The following CDH11 variants were observed in gnomAD, a reference collection of about 807,000 sequenced individuals.
CDH11 encodes the protein cadherin-11.
A neutral mutation model predicts 67.8 loss-of-function variants in CDH11; 11 were observed. That is an observed-to-expected ratio of 0.16 (90% CI 0.10 to 0.27). The LOEUF is 0.27. CDH11 is among the 10% of genes least tolerant of loss of function. The pLI, the probability that CDH11 is intolerant of heterozygous loss-of-function variation, is 1.00. For synonymous variants in CDH11, 419 were observed against 400.0 expected (o/e 1.05, Z -0.57); for missense variants, 847 against 1,031.2 (o/e 0.82, Z 2.45).
rs1317346877 is a variant in CDH11 at position 64,957,629 on chromosome 16, CA to C, written c.1643-6612del. 6.3e-4 allele frequency among the ~76,000 whole-genome samples: 90 copies of C among 143,934 alleles called. 1 individual carries two copies. Among genetic ancestry groups the C allele is most frequent in the Non-Finnish European group, 8.4e-4 (55 of 65,504 alleles). 94.4% of individuals were successfully genotyped at this position (143,934 alleles called of 152,430 possible). ...ACACACACACACACACACACACACA[CA>C]CACCCATCCATATATATATATATAC... On this transcript the variant is annotated intron_variant, in intron 11 of 12. Coordinates refer to ENST00000268603, the MANE Select transcript of CDH11 (RefSeq NM_001797.4).
At chr16:65,010,166 A>G (rs1228284771) in intron 2 of CDH11, among the ~76,000 whole-genome samples, 2 of 152,132 alleles carry the variant, frequency 1.3e-5, no homozygotes, top group African/African-American at 4.8e-5. Context: ...GAGACAGGTT[A>G]TTATTACATT....
intron 2 of CDH11, among the ~76,000 whole-genome samples, chr16:65,010,951 A>G (rs891160684): frequency 4.0e-5 from 4 of 100,740 alleles, no homozygotes; most frequent in African/African-American, 1.1e-4. Context: ...TATATGTGTG[A>G]CATATATATA....
chr16:65,059,707 G>T (rs1008508637), intron 1 of CDH11: 1 of 152,336 alleles, frequency 6.6e-6, no homozygotes, highest in Non-Finnish European at 1.5e-5. Context: ...CTTGACAACT[G>T]AAGCCAGGGA....
intron 2 of CDH11, among the ~76,000 whole-genome samples, chr16:65,042,653 C>G (rs560879065): frequency 1.3e-5 from 2 of 152,148 alleles, no homozygotes; most frequent in East Asian, 1.9e-4. Flanking sequence ...AAATAAGGAC[C>G]GTAGAGAATT....
At chr16:65,067,108 A>G (rs2074325122) in intron 1 of CDH11, among the ~76,000 whole-genome samples, 1 of 152,120 alleles carries the variant, frequency 6.6e-6, no homozygotes, top group South Asian at 2.1e-4. Context: ...AATCCACAGA[A>G]GCTCTACTTT....
intron 1 of CDH11, among the ~76,000 whole-genome samples, chr16:65,120,025 G>A (rs573470404): frequency 8.5e-5 from 13 of 152,244 alleles, no homozygotes; most frequent in African/African-American, 2.6e-4. Context: ...GCCTCAGAGT[G>A]CTTCTCGTAT....
chr16:65,122,353 T>A, upstream of CDH11: 1 of 276,032 alleles, frequency 3.6e-6, no homozygotes, highest in South Asian at 3.3e-5. Context: ...CCCTCAGGGC[T>A]CAGATGGAGT....
At chr16:65,082,776 G>T (rs2074632124) in intron 1 of CDH11, among the ~76,000 whole-genome samples, 1 of 152,192 alleles carries the variant, frequency 6.6e-6, no homozygotes, top group African/African-American at 2.4e-5. Context: ...TTTAGGAAAA[G>T]ATATTTAACT....
chr16:65,104,170 T>C (rs1025579048), intron 1 of CDH11, among the ~76,000 whole-genome samples: 11 of 152,334 alleles, frequency 7.2e-5, no homozygotes, highest in South Asian at 6.2e-4. Flanking sequence ...GAAAGTATTA[T>C]CTATGCCAAT....
At chr16:65,012,130 T>C (rs565300174) in intron 2 of CDH11, among the ~76,000 whole-genome samples, 6 of 152,210 alleles carry the variant, frequency 3.9e-5, no homozygotes, top group African/African-American at 1.4e-4. Context: ...GATAGGACTA[T>C]GTACAAGAGC....
chr16:64,981,564 C>T (rs2072350601), intron 8 of CDH11: 1 of 152,280 alleles, frequency 6.6e-6, no homozygotes, highest in Non-Finnish European at 1.5e-5. Flanking sequence ...CTGTATCATT[C>T]CAGGCAAGTC....
At chr16:65,058,539 T>C (rs1012465516) in intron 1 of CDH11, among the ~76,000 whole-genome samples, 7 of 152,324 alleles carry the variant, frequency 4.6e-5, no homozygotes, top group African/African-American at 1.7e-4. Flanking sequence ...GAGCATCACA[T>C]GTTTCTGACA....
Position 64,988,311 on chromosome 16 carries a change from A to G in CDH11, c.845T>C (p.Val282Ala). 6.2e-7 allele frequency: 1 copy of G among 1,613,366 alleles called. No individual in the cohort carries two copies. Among genetic ancestry groups the G allele is most frequent in the East Asian group, 2.2e-5 (1 of 44,838 alleles). The change falls in exon 7 of 13, where the codon GTC becomes GCC. Residue 282 changes from valine to alanine, a missense_variant. Physicochemically the swap from Val to Ala is moderately conservative, Grantham distance 64 (BLOSUM62 0). This residue lies in a region of CDH11 where 612 missense variants were observed against 678.7 expected (regional missense o/e 0.90). Coordinates refer to ENST00000268603, the MANE Select transcript of CDH11 (RefSeq NM_001797.4). The part of the protein sequence containing the change: ...VYQMSVSEAA[V>A]PGEEVGRVKA... ...CACTCTTCCTACTTCCTCCCCAGGGACGGCTGCTTCTGACACAGACATCTG... is the reference window on the plus strand; with the variant it reads ...CACTCTTCCTACTTCCTCCCCAGGGGCGGCTGCTTCTGACACAGACATCTG...
intron 1 of CDH11, among the ~76,000 whole-genome samples, chr16:65,088,802 G>A (rs191052804): frequency 2.0e-5 from 3 of 152,232 alleles, no homozygotes; most frequent in African/African-American, 7.2e-5. Flanking sequence ...AAGACAAAGG[G>A]CCTGATACAT....
At chr16:65,091,240 T>C (rs1031518006) in intron 1 of CDH11, among the ~76,000 whole-genome samples, 5 of 152,254 alleles carry the variant, frequency 3.3e-5, no homozygotes, top group Non-Finnish European at 5.9e-5. Context: ...TTTTGTTAGA[T>C]ATTTAAGTTT....
chr16:65,040,418 A>G, intron 2 of CDH11, among the ~76,000 whole-genome samples: 1 of 152,170 alleles, frequency 6.6e-6, no homozygotes, highest in Non-Finnish European at 1.5e-5. Flanking sequence ...ACGTGGATGA[A>G]ACTGGAAACC....
At chr16:65,078,079 A>C (rs1597166171) in intron 1 of CDH11, among the ~76,000 whole-genome samples, 1 of 152,344 alleles carries the variant, frequency 6.6e-6, no homozygotes, top group East Asian at 1.9e-4. Context: ...GCCAAGGTAC[A>C]TTGCCACTGA....
intron 12 of CDH11, chr16:64,948,828 G>T (rs1567481091): frequency 1.4e-6 from 2 of 1,391,008 alleles, no homozygotes; most frequent in African/African-American, 2.9e-5. Flanking sequence ...GAAAGTTCAG[G>T]CACAGTTTAA....
intron 6 of CDH11, among the ~76,000 whole-genome samples, chr16:64,991,034 G>A (rs563105294): frequency 6.6e-6 from 1 of 152,238 alleles, no homozygotes; most frequent in East Asian, 1.9e-4. Context: ...CCTTAGATTT[G>A]TGAGCCTTAT....
Sources: allele counts gnomAD v4.1 joint callset (sites outside exome capture counted in the v4.1 genomes callset), GRCh38; gene constraint gnomAD v4.1.1; regional missense constraint gnomAD v4.1.1; transcripts MANE v1.5; gene names NCBI Gene and HGNC (gene_info 2026-07-23, HGNC 2026-07-21).